FHIT: variants seen among roughly 807,000 people sequenced by gnomAD.
FHIT encodes fragile histidine triad diadenosine triphosphatase.
FHIT carries 19 observed loss-of-function variants against 17.9 expected under a neutral mutation model. The observed-to-expected ratio is 1.06, with a 90% CI of 0.74 to 1.56. The LOEUF (loss-of-function observed/expected upper bound fraction) is 1.56, where lower values mean the gene tolerates loss of function less well. FHIT is among the 40% of genes most tolerant of loss of function. The pLI, the probability that FHIT is intolerant of heterozygous loss-of-function variation, is 0.00. For missense variants in FHIT, 248 were observed against 189.2 expected (o/e 1.31, Z -1.82); for synonymous variants, 81 against 69.7 (o/e 1.16, Z -0.81).
chr3:59,849,445 G>C (rs773440113), intron 8 of FHIT, among the ~76,000 whole-genome samples: 1 of 152,138 alleles, frequency 6.6e-6, no homozygotes. Context: ...TGCGATATGA[G>C]TTGTGTCCAA....
At chr3:59,780,624 A>T (rs1036485646) in intron 8 of FHIT, among the ~76,000 whole-genome samples, 1 of 152,288 alleles carries the variant, frequency 6.6e-6, no homozygotes, top group Admixed American at 6.5e-5. Flanking sequence ...TTAGGGTTAG[A>T]TGAGGTCATG....
At chr3:59,768,166 C>G (rs1307262334) in intron 8 of FHIT, among the ~76,000 whole-genome samples, 3 of 152,204 alleles carry the variant, frequency 2.0e-5, no homozygotes, top group Non-Finnish European at 4.4e-5. Flanking sequence ...TCACAACTGA[C>G]AGAGCTTATA....
At chr3:60,301,726 A>G (rs974412749) in intron 5 of FHIT, among the ~76,000 whole-genome samples, 1 of 152,160 alleles carries the variant, frequency 6.6e-6, no homozygotes, top group South Asian at 2.1e-4. Flanking sequence ...ATAAACATTG[A>G]AAATTTTACA....
At chr3:60,474,658 T>A (rs1332622089) in intron 5 of FHIT, among the ~76,000 whole-genome samples, 4 of 151,876 alleles carry the variant, frequency 2.6e-5, no homozygotes, top group Admixed American at 2.6e-4. Context: ...AGTTTCGCTC[T>A]TATCACCCAG....
At chr3:59,961,132 T>C (rs904897369) in intron 7 of FHIT, among the ~76,000 whole-genome samples, 12 of 152,178 alleles carry the variant, frequency 7.9e-5, no homozygotes, top group African/African-American at 2.2e-4. Flanking sequence ...CCATGACTAA[T>C]TGGAGGATTC....
At chr3:59,930,726 C>A (rs903677755) in intron 7 of FHIT, among the ~76,000 whole-genome samples, 2 of 152,104 alleles carry the variant, frequency 1.3e-5, no homozygotes, top group African/African-American at 2.4e-5. Flanking sequence ...AATTAGGAAA[C>A]GTTGGGGGGT....
At chr3:60,870,406 T>A (rs977105491) in intron 3 of FHIT, among the ~76,000 whole-genome samples, 1 of 152,104 alleles carries the variant, frequency 6.6e-6, no homozygotes, top group Admixed American at 6.6e-5. Flanking sequence ...TTAAGCTCTG[T>A]CTAGGGAAAG....
Position 60,741,347 on chromosome 3 carries a change from G to C in FHIT, c.-18+80572C>G, listed in dbSNP as rs371304183. On this transcript the variant is annotated intron_variant, in intron 4 of 9. Transcript: ENST00000492590. ...CTGACCCTATTGCAATCGAGTTTAA[G>C]GAGTTTGTAGACAGGAACCCTATCT... is the stretch of plus-strand genomic sequence containing the variant. Among the ~76,000 whole-genome samples, 3 of 152,196 alleles carry C rather than the reference G, an allele frequency of 2.0e-5. No homozygotes were observed. In the East Asian group the frequency reaches 5.8e-4, roughly 29 times the overall value.
At chr3:60,661,200 A>AC (rs1485444697) in intron 4 of FHIT, among the ~76,000 whole-genome samples, 1 of 151,412 alleles carries the variant, frequency 6.6e-6, no homozygotes, top group Admixed American at 6.6e-5. Context: ...CTCATCCTTC[A>AC]CCTCCCTCCT....
intron 5 of FHIT, among the ~76,000 whole-genome samples, chr3:60,472,823 A>G (rs1300934991): frequency 2.0e-5 from 3 of 152,170 alleles, no homozygotes; most frequent in African/African-American, 7.2e-5. Context: ...AAGACATCTA[A>G]GCAAAACCAA....
At chr3:59,763,782 T>A (rs757005995) in intron 8 of FHIT, among the ~76,000 whole-genome samples, 17 of 152,052 alleles carry the variant, frequency 1.1e-4, no homozygotes, top group Non-Finnish European at 2.1e-4. Context: ...GAGGCATCTG[T>A]ATGGTCTGTG....
chr3:60,711,387 C>T (rs9827827), intron 4 of FHIT, among the ~76,000 whole-genome samples: 6,684 of 152,256 alleles, frequency 0.044, 515 homozygotes, highest in African/African-American at 0.15. Flanking sequence ...TCCAAAGGAA[C>T]GCAGCTCCTC....
intron 3 of FHIT, among the ~76,000 whole-genome samples, chr3:61,003,951 T>C (rs1260138461): frequency 6.6e-6 from 1 of 152,218 alleles, no homozygotes; most frequent in Admixed American, 6.5e-5. Flanking sequence ...GCTCTGTGAG[T>C]GTACTTGTGT....
Position 60,397,513 on chromosome 3 carries a change from T to C in FHIT, c.103+139347A>G, listed in dbSNP as rs967606825. 5.3e-5 allele frequency among the ~76,000 whole-genome samples: 8 copies of C among 152,158 alleles called. No individual in the cohort carries two copies. The East Asian group carries it at 5.8e-4, about 11-fold the overall frequency. On this transcript the variant is annotated intron_variant, in intron 5 of 9. Transcript: ENST00000492590. Reference sequence around the variant, plus strand: ...ATGCTAACAGCTCATTCACTGACTATAGGAAGTTTGGACTTGCCATGAGAC... The same window carrying C: ...ATGCTAACAGCTCATTCACTGACTACAGGAAGTTTGGACTTGCCATGAGAC...
intron 5 of FHIT, among the ~76,000 whole-genome samples, chr3:60,380,578 A>T (rs1027999274): frequency 7.9e-5 from 12 of 152,184 alleles, no homozygotes; most frequent in African/African-American, 2.9e-4. Flanking sequence ...TATGGGAAAA[A>T]GAGGGTACAG....
intron 2 of FHIT, among the ~76,000 whole-genome samples, chr3:61,112,555 A>T (rs1443549961): frequency 1.3e-5 from 2 of 152,180 alleles, no homozygotes; most frequent in African/African-American, 4.8e-5. Flanking sequence ...CAGGGCAAAC[A>T]TGTCCACTTG....
chr3:60,191,525 G>A (rs879276418), intron 5 of FHIT, among the ~76,000 whole-genome samples: 11 of 152,144 alleles, frequency 7.2e-5, no homozygotes, highest in East Asian at 3.9e-4. Context: ...TCATAAAGCC[G>A]TAGTGATTAG....
chr3:60,058,899 G>A (rs1702192832), intron 5 of FHIT, among the ~76,000 whole-genome samples: 1 of 152,234 alleles, frequency 6.6e-6, no homozygotes. Context: ...CACAGACCAA[G>A]TGGCAAAAGC....
At chr3:61,191,537 C>A (rs2038716327) in intron 2 of FHIT, among the ~76,000 whole-genome samples, 1 of 152,104 alleles carries the variant, frequency 6.6e-6, no homozygotes, top group Non-Finnish European at 1.5e-5. Flanking sequence ...CAATAAATAA[C>A]CTTTTGGTTC....
Sources: allele counts gnomAD v4.1 joint callset (sites outside exome capture counted in the v4.1 genomes callset), GRCh38; gene constraint gnomAD v4.1.1; transcripts MANE v1.5; gene names NCBI Gene and HGNC (gene_info 2026-07-23, HGNC 2026-07-21).